Variants in LYPD6B observed in about 807,000 individuals in gnomAD.
LYPD6B encodes the protein ly6/PLAUR domain-containing protein 6B.
Under a neutral mutation model 22.8 loss-of-function variants are expected in LYPD6B, and 17 were observed. The ratio of observed to expected loss-of-function variants is 0.75; its 90% confidence interval spans 0.51 to 1.12. The LOEUF (loss-of-function observed/expected upper bound fraction) is 1.12. LYPD6B is among the 50% of genes most tolerant of loss of function. LYPD6B has a pLI of 0.00. For synonymous variants in LYPD6B, 106 were observed against 91.6 expected (o/e 1.16, Z -0.90); for missense variants, 221 against 258.3 (o/e 0.86, Z 0.99).
At chr2:149,148,618 C>T (rs1032877963) in intron 2 of LYPD6B, among the ~76,000 whole-genome samples, 3 of 152,150 alleles carry the variant, frequency 2.0e-5, no homozygotes, top group Non-Finnish European at 1.5e-5. Flanking sequence ...GGTGTTATCA[C>T]GTAAGTCAGA....
chr2:149,063,735 G>T (rs1011730900), intron 1 of LYPD6B, among the ~76,000 whole-genome samples: 12 of 152,058 alleles, frequency 7.9e-5, no homozygotes, highest in African/African-American at 2.9e-4. Context: ...AATTCCAAAG[G>T]GTTGAATATT....
rs555413183 is a variant in LYPD6B, at chr2:149,212,202, C to T, written c.329-790C>T. On this transcript the variant is annotated intron_variant, in intron 5 of 6. Transcript: ENST00000409642. The stretch of plus-strand genomic sequence containing the variant: ...GTCATCCTGGCTAACATGGTCAAAC[C>T]CCGTCTCTACTAAAAATCAAAAAAA... 3.2e-3 allele frequency among the ~76,000 whole-genome samples: 482 copies of T among 150,908 alleles called. 1 individual carries two copies. Among genetic ancestry groups the T allele is most frequent in the Non-Finnish European group, 5.6e-3 (376 of 67,716 alleles).
chr2:149,102,622 G>GT (rs1686268648), intron 1 of LYPD6B, among the ~76,000 whole-genome samples: 1 of 151,866 alleles, frequency 6.6e-6, no homozygotes, highest in Non-Finnish European at 1.5e-5. Context: ...GGAAGAGTTT[G>GT]TTTTTTTGTT....
At chr2:149,073,780 T>C (rs1684755044) in intron 1 of LYPD6B, among the ~76,000 whole-genome samples, 1 of 151,962 alleles carries the variant, frequency 6.6e-6, no homozygotes, top group Admixed American at 6.6e-5. Context: ...CTCTCCAGCC[T>C]GGATTTGCCT....
At chr2:149,038,844 G>C (rs1391376116) in intron 1 of LYPD6B, 43 bp downstream of exon 1, 1 of 150,354 alleles carries the variant, frequency 6.7e-6, no homozygotes, top group Non-Finnish European at 1.5e-5. Flanking sequence ...TGGTGGGTTC[G>C]GGACGGCTCA....
intron 1 of LYPD6B, among the ~76,000 whole-genome samples, chr2:149,113,151 A>C (rs1040459711): frequency 2.0e-5 from 3 of 152,228 alleles, no homozygotes; most frequent in Admixed American, 6.5e-5. Flanking sequence ...TCTGCTCCCT[A>C]AGTTGTACCT....
chr2:149,198,006 T>G (rs976045578), intron 3 of LYPD6B, among the ~76,000 whole-genome samples: 1 of 151,988 alleles, frequency 6.6e-6, no homozygotes, highest in Admixed American at 6.6e-5. Context: ...TAAAGGGAGT[T>G]TCTAATTCCT....
chr2:149,044,607 A>G (rs1344986701), intron 1 of LYPD6B, among the ~76,000 whole-genome samples: 2 of 151,806 alleles, frequency 1.3e-5, no homozygotes, highest in African/African-American at 4.8e-5. Context: ...TCTTCCTCCA[A>G]CTTATTGCAC....
chr2:149,054,748 G>A (rs1188459212), intron 1 of LYPD6B, among the ~76,000 whole-genome samples: 1 of 151,976 alleles, frequency 6.6e-6, no homozygotes, highest in Non-Finnish European at 1.5e-5. Context: ...GCATCGTGGC[G>A]TGCACCTGCA....
intron 1 of LYPD6B, among the ~76,000 whole-genome samples, chr2:149,082,550 T>C (rs140963171): frequency 8.5e-4 from 129 of 152,338 alleles, no homozygotes; most frequent in African/African-American, 3.0e-3. Flanking sequence ...ATTCTGAATG[T>C]AAATTTTATT....
At chr2:149,130,844 A>G in intron 1 of LYPD6B, 39 bp from the exon 2 acceptor site, 2 of 851,260 alleles carry the variant, frequency 2.3e-6, no homozygotes, top group South Asian at 1.4e-5. Flanking sequence ...TGTCTATAAT[A>G]TCAGTCATAA....
At chr2:149,102,684 T>C (rs1686271273) in intron 1 of LYPD6B, among the ~76,000 whole-genome samples, 1 of 152,120 alleles carries the variant, frequency 6.6e-6, no homozygotes, top group Non-Finnish European at 1.5e-5. Context: ...GGCTGGAATG[T>C]AGTGGTACGA....
intron 1 of LYPD6B, among the ~76,000 whole-genome samples, chr2:149,071,279 C>G (rs1684589819): frequency 6.6e-6 from 1 of 152,154 alleles, no homozygotes; most frequent in Non-Finnish European, 1.5e-5. Context: ...TTTGGCTTTG[C>G]TGTTCATGCT....
chr2:149,060,581 G>T (rs1435021014), intron 1 of LYPD6B, among the ~76,000 whole-genome samples: 1 of 152,148 alleles, frequency 6.6e-6, no homozygotes, highest in Non-Finnish European at 1.5e-5. Context: ...GTTTCCTGGG[G>T]TTTGGCTGAG....
intron 1 of LYPD6B, among the ~76,000 whole-genome samples, chr2:149,041,964 A>T (rs1414469910): frequency 6.6e-6 from 1 of 152,242 alleles, no homozygotes; most frequent in African/African-American, 2.4e-5. Context: ...GGAGTTTCAG[A>T]AGAGTTTCAA....
At chr2:149,206,107 C>T in intron 4 of LYPD6B, 1 of 423,878 alleles carries the variant, frequency 2.4e-6, no homozygotes. Flanking sequence ...CCTGTAGTTC[C>T]CACGCCTGGA....
intron 1 of LYPD6B, among the ~76,000 whole-genome samples, chr2:149,041,245 G>A (rs1294159425): frequency 6.6e-6 from 1 of 152,148 alleles, no homozygotes; most frequent in Non-Finnish European, 1.5e-5. Flanking sequence ...AAGGTAGGTC[G>A]TTCGAAGTGG....
intron 3 of LYPD6B, among the ~76,000 whole-genome samples, chr2:149,190,952 T>C (rs1692447305): frequency 6.6e-6 from 1 of 152,104 alleles, no homozygotes; most frequent in Non-Finnish European, 1.5e-5. Context: ...TTTTGAATCA[T>C]GGTTAGAAAG....
intron 3 of LYPD6B, among the ~76,000 whole-genome samples, chr2:149,201,845 A>G (rs1411215463): frequency 6.6e-6 from 1 of 152,234 alleles, no homozygotes; most frequent in Non-Finnish European, 1.5e-5. Flanking sequence ...TTAGTTTTCA[A>G]GTTTAGCAGG....
Sources: gnomAD v4.1 joint callset for allele counts (sites outside exome capture counted in the v4.1 genomes callset) on GRCh38, gnomAD v4.1.1 for gene constraint, MANE v1.5 for transcripts, NCBI Gene and HGNC (gene_info 2026-07-23, HGNC 2026-07-21) for gene names.